Variants in MAST4 observed in about 807,000 individuals in gnomAD.
MAST4 encodes microtubule associated serine/threonine kinase family member 4.
In MAST4, 89 loss-of-function variants were observed where a neutral mutation model predicts 162.7. That is an observed-to-expected ratio of 0.55 (90% CI 0.46 to 0.65). MAST4 has a LOEUF of 0.65. Among genes scored for constraint, MAST4 ranks in the 30% least tolerant of loss-of-function variants. The pLI is 0.00. For missense variants in MAST4, 3,153 were observed against 3,374.0 expected, an observed-to-expected ratio of 0.93 and a Z score of 1.62; for synonymous variants, 1,479 against 1,361.1, an observed-to-expected ratio of 1.09 and a Z score of -1.91.
chr5:67,054,453 G>C lies in MAST4; in HGVS notation c.724G>C (p.Ala242Pro). ...CTTAATAGGCAATGGGCAGTCACCA[G>C]CATTGCCTCGACCACACTCACCTCT... Reference protein sequence around the residue: ...KSLIGNGQSPALPRPHSPLSA... With the variant: ...KSLIGNGQSPPLPRPHSPLSA... Residue 242 changes from alanine (A) to proline (P), a missense_variant, in exon 5 of 29, where the codon GCA (alanine) becomes CCA (proline). By Grantham distance (27) the Ala-to-Pro change is conservative (BLOSUM62 -1). Around this residue, in one of 7 missense-constraint regions of MAST4, gnomAD observed 360 missense variants for 450.0 expected, o/e 0.80. Transcript: ENST00000403625. 6.2e-7 allele frequency: 1 copy of C among 1,611,458 alleles called. No individual in the cohort carries two copies. The highest frequency in any genetic ancestry group is 8.5e-7 in the Non-Finnish European group (1 of 1,178,866).
intron 7 of MAST4, among the ~76,000 whole-genome samples, chr5:67,096,086 T>C (rs570559731): frequency 6.6e-6 from 1 of 152,260 alleles, no homozygotes; most frequent in African/African-American, 2.4e-5. Flanking sequence ...TGTTTTGTTT[T>C]GTTTTCTTTC....
At chr5:66,765,371 T>A (rs946287756) in intron 2 of MAST4, among the ~76,000 whole-genome samples, 15 of 152,314 alleles carry the variant, frequency 9.8e-5, no homozygotes, top group Admixed American at 9.2e-4. Flanking sequence ...CCTATGCATA[T>A]CCTCCTGTAA....
chr5:67,004,189 C>T (rs902451393), intron 4 of MAST4, among the ~76,000 whole-genome samples: 11 of 112,284 alleles, frequency 9.8e-5, no homozygotes, highest in Admixed American at 9.4e-4. Flanking sequence ...TGTCCCGGCA[C>T]CGGCTGGGGT....
intron 1 of MAST4, among the ~76,000 whole-genome samples, chr5:66,655,463 T>C (rs896421750): frequency 6.6e-6 from 1 of 152,198 alleles, no homozygotes; most frequent in African/African-American, 2.4e-5. Context: ...AACAGTAATC[T>C]GGATGTTGAG....
chr5:66,748,136 G>A (rs1475449533), intron 1 of MAST4, among the ~76,000 whole-genome samples: 1 of 152,010 alleles, frequency 6.6e-6, no homozygotes, highest in Admixed American at 6.5e-5. Context: ...TTAATGCAAG[G>A]AACTGAAAGG....
intron 1 of MAST4, among the ~76,000 whole-genome samples, chr5:66,748,869 T>G (rs1458776440): frequency 6.6e-6 from 1 of 151,498 alleles, no homozygotes; most frequent in Non-Finnish European, 1.5e-5. Context: ...CAAAATCAAT[T>G]AATAGGTCCC....
intron 7 of MAST4, among the ~76,000 whole-genome samples, chr5:67,096,848 T>C (rs1015706805): frequency 1.3e-5 from 2 of 152,178 alleles, no homozygotes; most frequent in Non-Finnish European, 2.9e-5. Flanking sequence ...GATCATATTT[T>C]TAGAAACATC....
At chr5:66,880,903 T>A (rs1761649559) in intron 3 of MAST4, among the ~76,000 whole-genome samples, 1 of 152,182 alleles carries the variant, frequency 6.6e-6, no homozygotes, top group South Asian at 2.1e-4. Context: ...GGAGATTGAG[T>A]ACTTAGACTG....
intron 4 of MAST4, among the ~76,000 whole-genome samples, chr5:66,966,125 C>T (rs1168011002): frequency 6.6e-6 from 1 of 152,198 alleles, no homozygotes; most frequent in Non-Finnish European, 1.5e-5. Flanking sequence ...GATGAAAATG[C>T]TAACCCATAC....
chr5:67,035,900 G>T (rs1755964215), intron 4 of MAST4, among the ~76,000 whole-genome samples: 1 of 152,050 alleles, frequency 6.6e-6, no homozygotes, highest in Admixed American at 6.6e-5. Flanking sequence ...AATGCTATGG[G>T]GAGGCCAGAC....
intron 5 of MAST4, among the ~76,000 whole-genome samples, chr5:67,065,576 A>G (rs988047165): frequency 1.1e-4 from 17 of 152,324 alleles, no homozygotes; most frequent in African/African-American, 4.1e-4. Flanking sequence ...CATAGACAGA[A>G]GGCTGAATGC....
At chr5:66,898,365 A>C (rs1434152788) in intron 3 of MAST4, among the ~76,000 whole-genome samples, 1 of 152,166 alleles carries the variant, frequency 6.6e-6, no homozygotes, top group African/African-American at 2.4e-5. Context: ...GTTTTCTTTA[A>C]CCTGAATACA....
At chr5:66,869,578 G>T (rs1358879282) in intron 3 of MAST4, among the ~76,000 whole-genome samples, 3 of 152,144 alleles carry the variant, frequency 2.0e-5, no homozygotes, top group Non-Finnish European at 4.4e-5. Flanking sequence ...CTTTTTGAAA[G>T]GTAAGCATTA....
intron 4 of MAST4, among the ~76,000 whole-genome samples, chr5:67,008,449 T>A (rs1056520844): frequency 1.3e-5 from 2 of 152,238 alleles, no homozygotes; most frequent in Non-Finnish European, 2.9e-5. Flanking sequence ...ATATCTGCTC[T>A]CTGTCACACC....
chr5:66,774,022 A>T (rs538354351), intron 2 of MAST4, among the ~76,000 whole-genome samples: 1 of 152,372 alleles, frequency 6.6e-6, no homozygotes, highest in African/African-American at 2.4e-5. Flanking sequence ...GTTTACATGT[A>T]TGCATGCACA....
chr5:66,693,626 T>C (rs13162611), intron 1 of MAST4, among the ~76,000 whole-genome samples: 24 of 45,608 alleles, frequency 5.3e-4, no homozygotes, highest in African/African-American at 1.7e-3. Context: ...GATTATAAAA[T>C]AAAGTGCTAG....
chr5:67,136,433 T>G (rs1769653104), intron 18 of MAST4, 130 bp from the exon 19 acceptor site: 8 of 620,260 alleles, frequency 1.3e-5, no homozygotes, highest in African/African-American at 3.7e-5. Context: ...AAAGGCAGAC[T>G]CTGATTTAGT....
chr5:67,066,128 TC>T (rs973559747), intron 5 of MAST4, among the ~76,000 whole-genome samples: 2 of 152,060 alleles, frequency 1.3e-5, no homozygotes. Context: ...TTGAAAAAAA[TC>T]TGAACTATTT....
At chr5:66,646,171 A>G (rs1266352490) in intron 1 of MAST4, among the ~76,000 whole-genome samples, 1 of 152,168 alleles carries the variant, frequency 6.6e-6, no homozygotes, top group East Asian at 1.9e-4. Flanking sequence ...TAAATGTTAT[A>G]AACACTTTTT....
Sources: gnomAD v4.1 joint callset for allele counts (sites outside exome capture counted in the v4.1 genomes callset) on GRCh38, gnomAD v4.1.1 for gene constraint, gnomAD v4.1.1 regional missense constraint, MANE v1.5 for transcripts, NCBI Gene and HGNC (gene_info 2026-07-23, HGNC 2026-07-21) for gene names.